Variants in ZNF609 observed in about 807,000 individuals in gnomAD.
ZNF609 encodes the protein zinc finger protein 609.
ZNF609 carries 11 observed loss-of-function variants against 109.5 expected under a neutral mutation model. The ratio of observed to expected loss-of-function variants is 0.10; its 90% CI spans 0.06 to 0.17. ZNF609 has a LOEUF of 0.17. Among genes scored for constraint, ZNF609 ranks in the 10% least tolerant of loss-of-function variants. ZNF609 has a pLI of 1.00. For synonymous variants in ZNF609, 646 were observed against 662.0 expected (o/e 0.98, Z 0.37); for missense variants, 1,559 against 1,772.4 (o/e 0.88, Z 2.16).
chr15:64,515,799 G>A (rs970341224), intron 2 of ZNF609, among the ~76,000 whole-genome samples: 3 of 152,034 alleles, frequency 2.0e-5, no homozygotes, highest in Admixed American at 6.6e-5. Context: ...TTAGCCGGTC[G>A]TGGTGGCACA....
chr15:64,545,199 T>A (rs1195099718), intron 2 of ZNF609, among the ~76,000 whole-genome samples: 3 of 142,618 alleles, frequency 2.1e-5, no homozygotes, highest in African/African-American at 8.1e-5. Flanking sequence ...GTATACAGGA[T>A]TTTTTTTTTT....
chr15:64,513,738 C>T lies in ZNF609; in HGVS notation c.747+13572C>T, dbSNP rs564084160. Among the ~76,000 whole-genome samples, 5 of 152,214 alleles carry T rather than the reference C, an allele frequency of 3.3e-5. No homozygotes were observed. The East Asian group carries it at 7.7e-4, about 23-fold the overall frequency. ...ATGTATTTGTAAATACTAGAATCAC[C>T]CTAAGCCTAGTAAAATGCTTATATT... On this transcript the variant is annotated intron_variant, in intron 2 of 9. Coordinates refer to ENST00000326648, the MANE Select transcript of ZNF609 (RefSeq NM_015042.2).
chr15:64,463,846 C>G (rs547274428), intron 1 of ZNF609, among the ~76,000 whole-genome samples: 1 of 152,234 alleles, frequency 6.6e-6, no homozygotes, highest in Non-Finnish European at 1.5e-5. Context: ...TAAACTGAGT[C>G]CAAAGCTTTT....
At chr15:64,642,479 C>T (rs997787022) in intron 3 of ZNF609, among the ~76,000 whole-genome samples, 44 of 152,108 alleles carry the variant, frequency 2.9e-4, no homozygotes, top group Non-Finnish European at 6.2e-4. Flanking sequence ...GCCACCACGC[C>T]CAGCCAGTAT....
intron 3 of ZNF609, among the ~76,000 whole-genome samples, chr15:64,634,981 TTG>T (rs1222300954): frequency 2.0e-5 from 3 of 152,186 alleles, no homozygotes; most frequent in African/African-American, 7.2e-5. Context: ...CCTTTGTGGA[TTG>T]TGTTATATGT....
At chr15:64,657,259 CAA>C (rs35250526) in intron 3 of ZNF609, among the ~76,000 whole-genome samples, 138 of 118,848 alleles carry the variant, frequency 1.2e-3, no homozygotes, top group African/African-American at 3.3e-3. Context: ...GACTGTGTCT[CAA>C]AAAAAAAAAA....
intron 2 of ZNF609, among the ~76,000 whole-genome samples, chr15:64,604,988 C>T (rs1045974576): frequency 2.0e-5 from 3 of 152,002 alleles, no homozygotes; most frequent in African/African-American, 4.8e-5. Context: ...CCCGCCACCA[C>T]GCCCGGCTAA....
chr15:64,662,304 T>C (rs890559612), intron 3 of ZNF609, among the ~76,000 whole-genome samples: 4 of 152,104 alleles, frequency 2.6e-5, no homozygotes, highest in African/African-American at 4.8e-5. Context: ...TGCAAGTTGC[T>C]AAAGGCAGCT....
chr15:64,497,449 G>A (rs556188931), intron 1 of ZNF609, among the ~76,000 whole-genome samples: 8 of 152,110 alleles, frequency 5.3e-5, no homozygotes, highest in African/African-American at 1.7e-4. Flanking sequence ...CTACACCCTA[G>A]TTCTTTGACA....
intron 2 of ZNF609, among the ~76,000 whole-genome samples, chr15:64,582,715 TC>T (rs1413320267): frequency 1.5e-4 from 7 of 46,180 alleles, no homozygotes; most frequent in African/African-American, 2.6e-4. Context: ...TTTCTTTCTT[TC>T]TTTTTTCTTT....
intron 2 of ZNF609, among the ~76,000 whole-genome samples, chr15:64,540,552 G>A (rs1194044952): frequency 3.3e-5 from 5 of 151,700 alleles, no homozygotes; most frequent in African/African-American, 9.7e-5. Context: ...CTACAGGTGC[G>A]TGCCACTGTG....
At chr15:64,473,055 G>T (rs183691798) in intron 1 of ZNF609, among the ~76,000 whole-genome samples, 6 of 152,124 alleles carry the variant, frequency 3.9e-5, no homozygotes, top group African/African-American at 2.4e-5. Flanking sequence ...AGGAAGGGAA[G>T]AAATTTGTTT....
chr15:64,483,378 G>A lies in ZNF609; in HGVS notation c.-127-15915G>A, dbSNP rs554244861. ...CAAAGTGCTGGGATTACAGGCGTGA[G>A]CCACCAAGCCTGGCCTCTTTTTTTT... is the stretch of plus-strand genomic sequence containing the variant. On this transcript the variant is annotated intron_variant, in intron 1 of 9. Coordinates refer to ENST00000326648, the MANE Select transcript of ZNF609 (RefSeq NM_015042.2). 5.2e-4 allele frequency among the ~76,000 whole-genome samples: 79 copies of A among 152,052 alleles called. No homozygotes were observed. In the Middle Eastern group the frequency reaches 0.014, roughly 26 times the overall value.
At chr15:64,608,625 C>T (rs897776891) in intron 2 of ZNF609, among the ~76,000 whole-genome samples, 3 of 152,080 alleles carry the variant, frequency 2.0e-5, no homozygotes, top group Non-Finnish European at 2.9e-5. Flanking sequence ...ACCTTTCTTC[C>T]ACCTTCCCCT....
chr15:64,663,224 G>A (rs1386370865), intron 3 of ZNF609, among the ~76,000 whole-genome samples: 1 of 152,192 alleles, frequency 6.6e-6, no homozygotes, highest in East Asian at 1.9e-4. Context: ...TGGAGGTAAT[G>A]AGAAATGATC....
chr15:64,489,653 C>G (rs1285041154), intron 1 of ZNF609, among the ~76,000 whole-genome samples: 1 of 151,644 alleles, frequency 6.6e-6, no homozygotes, highest in Non-Finnish European at 1.5e-5. Flanking sequence ...CCTCAGCCTC[C>G]CAAGTAGCTG....
chr15:64,492,509 A>T (rs1420084540), intron 1 of ZNF609, among the ~76,000 whole-genome samples: 1 of 152,196 alleles, frequency 6.6e-6, no homozygotes, highest in Non-Finnish European at 1.5e-5. Flanking sequence ...TTATAAGAGT[A>T]GTTGGGTCAT....
intron 2 of ZNF609, among the ~76,000 whole-genome samples, chr15:64,568,177 A>G (rs1446371016): frequency 6.6e-6 from 1 of 152,172 alleles, no homozygotes; most frequent in Non-Finnish European, 1.5e-5. Flanking sequence ...GACTCTCCAA[A>G]AACATGAGGA....
chr15:64,612,964 G>T (rs1028978614), intron 2 of ZNF609, among the ~76,000 whole-genome samples: 10 of 151,808 alleles, frequency 6.6e-5, no homozygotes, highest in African/African-American at 1.9e-4. Context: ...GCAGTGAGCC[G>T]AGATCACGCC....
Sources: allele counts gnomAD v4.1 joint callset (sites outside exome capture counted in the v4.1 genomes callset), GRCh38; gene constraint gnomAD v4.1.1; transcripts MANE v1.5; gene names NCBI Gene and HGNC (gene_info 2026-07-23, HGNC 2026-07-21).